Variants in POLR2H observed in about 807,000 individuals in gnomAD.
The protein encoded by POLR2H is RNA polymerase II, I and III subunit H, also known as DNA-directed RNA polymerases I, II, and III subunit RPABC3.
Under a neutral mutation model 18.1 loss-of-function variants are expected in POLR2H, and 3 were observed. The observed-to-expected ratio is 0.17, with a 90% confidence interval of 0.08 to 0.43. The LOEUF is 0.43. POLR2H is among the 20% of genes least tolerant of loss of function. The pLI is 0.99. For synonymous variants in POLR2H, 76 were observed against 69.0 expected (o/e 1.10, Z -0.50); for missense variants, 103 against 184.6 (o/e 0.56, Z 2.56).
intron 4 of POLR2H, 160 bp from the exon 5 acceptor site, chr3:184,366,557 C>G (rs1205529110): frequency 2.0e-6 from 1 of 492,986 alleles, no homozygotes; most frequent in Non-Finnish European, 3.7e-6. Context: ...CCAGGATGGT[C>G]TCGATCTCCT....
intron 2 of POLR2H, 40 bp downstream of exon 2, chr3:184,363,605 A>T (rs1712700385): frequency 6.5e-7 from 1 of 1,537,546 alleles, no homozygotes; most frequent in African/African-American, 1.4e-5. Flanking sequence ...GGAAGAGGCT[A>T]ACCTCGCGGA....
rs907232445 is a variant in POLR2H at position 184,365,511 on chromosome 3, GAAA to G, written c.251+295_251+297del. 2.4e-4 allele frequency: 63 copies of G among 261,486 alleles called. 1 individual carries two copies. The East Asian group carries it at 4.6e-3, about 19-fold the overall frequency. 16.2% of individuals were successfully genotyped at this position (261,486 alleles called of 1,614,324 possible). ...CCTCACTGCTACAAAAAAGAAGAGA[GAAA>G]AAAAAAAAAGGCTGGGCATGGTGTC... is the stretch of plus-strand genomic sequence containing the variant. On this transcript the variant is annotated intron_variant, in intron 4 of 5. Transcript: ENST00000456318.
intron 2 of POLR2H, chr3:184,364,744 G>A: frequency 1.8e-6 from 1 of 567,564 alleles, no homozygotes; most frequent in Non-Finnish European, 3.1e-6. Flanking sequence ...TGCTGCTGGA[G>A]TATCTTTGGT....
At chr3:184,367,800 T>C (rs578008073) in intron 5 of POLR2H, among the ~76,000 whole-genome samples, 7 of 152,334 alleles carry the variant, frequency 4.6e-5, no homozygotes, top group Admixed American at 4.6e-4. Flanking sequence ...GGTGTAAAGC[T>C]TTTCTTAAAC....
At chr3:184,363,828 C>G (rs1321322156) in intron 2 of POLR2H, among the ~76,000 whole-genome samples, 2 of 152,220 alleles carry the variant, frequency 1.3e-5, no homozygotes, top group Non-Finnish European at 2.9e-5. Flanking sequence ...GCTACCTGCT[C>G]TGTGCTAGAC....
chr3:184,365,412 G>A (rs1560276092), intron 4 of POLR2H, 186 bp downstream of exon 4: 2 of 605,390 alleles, frequency 3.3e-6, no homozygotes, highest in Non-Finnish European at 5.9e-6. Context: ...TGTAACCCAA[G>A]CACTTTGGGA....
chr3:184,367,367 C>T (rs1299931485), intron 5 of POLR2H, among the ~76,000 whole-genome samples: 3 of 151,996 alleles, frequency 2.0e-5, no homozygotes, highest in African/African-American at 7.2e-5. Flanking sequence ...TTTTGCATAT[C>T]CTGGTGTTCT....
chr3:184,365,932 C>T (rs1186981635), intron 4 of POLR2H, among the ~76,000 whole-genome samples: 10 of 148,304 alleles, frequency 6.7e-5, no homozygotes, highest in Admixed American at 2.0e-4. Context: ...GCCGAGATCC[C>T]GCCACTGCAC....
intron 4 of POLR2H, 162 bp from the exon 5 acceptor site, chr3:184,366,555 G>C: frequency 2.0e-6 from 1 of 489,436 alleles, no homozygotes; most frequent in Non-Finnish European, 3.8e-6. Context: ...AGCCAGGATG[G>C]TCTCGATCTC....
At chr3:184,364,585 C>T (rs2108597405) in intron 2 of POLR2H, 1 of 196,802 alleles carries the variant, frequency 5.1e-6, no homozygotes, top group Non-Finnish European at 1.0e-5. Flanking sequence ...CTTTCTTTGC[C>T]TGGAGACTAA....
rs1712225719 is a variant in POLR2H at position 184,362,094 on chromosome 3, G to C, written c.-673G>C. The C allele has an allele frequency of 6.6e-6, 1 of 152,308 alleles. No homozygotes were observed. Among genetic ancestry groups the C allele is most frequent in the Non-Finnish European group, 1.5e-5 (1 of 68,100 alleles). 9.4% of individuals were successfully genotyped at this position (152,308 alleles called of 1,614,324 possible). On this transcript the variant is annotated 5_prime_UTR_variant, in exon 1 of 6. Transcript: ENST00000456318. The surrounding 1 kb of genome is among the most constrained non-coding windows in gnomAD (Gnocchi z 5.9). ...GTGAAAAGCAAAGCTGGAAGGATTC[G>C]GAGAGGGTTGGGGCCGTCTTCCTCA... is the stretch of plus-strand genomic sequence containing the variant.
Position 184,363,218 on chromosome 3 carries a change from C to T in POLR2H, c.-275C>T. 1.9e-6 allele frequency: 1 copy of T among 518,866 alleles called. No homozygotes were observed. Among genetic ancestry groups the T allele is most frequent in the Non-Finnish European group, 3.5e-6 (1 of 284,422 alleles). 32.1% of individuals were successfully genotyped at this position (518,866 alleles called of 1,614,324 possible). On this transcript the variant is annotated 5_prime_UTR_variant, in exon 2 of 6. Transcript: ENST00000456318. Reference sequence around the variant, plus strand: ...CTCTACAGCCTATTGCTTCCCCGCCCTGGGCAGAGCCACCTGGACATGAGA... The same window carrying T: ...CTCTACAGCCTATTGCTTCCCCGCCTTGGGCAGAGCCACCTGGACATGAGA...
rs1428670672 is a variant in POLR2H, at chr3:184,363,462, C to T, written c.-31C>T. 1 of 1,593,448 alleles carries T rather than the reference C, an allele frequency of 6.3e-7. No individual in the cohort carries two copies. Among genetic ancestry groups the T allele is most frequent in the East Asian group, 2.2e-5 (1 of 44,790 alleles). On this transcript the variant is annotated 5_prime_UTR_variant, in exon 2 of 6. Transcript: ENST00000456318. ...ACTCCCAACTGTGGTCGCGCTCTCA[C>T]CCCTTCTGCTGCTCTCGTGGCCCCC...
rs1713141739 is a variant in POLR2H, at chr3:184,365,779, C to G, written c.251+553C>G. On this transcript the variant is annotated intron_variant, in intron 4 of 5. Transcript: ENST00000456318. ...ACGAGGTCAGGAGATCGAGACCATC[C>G]TGGCTAAAACGGTGAAACCCCGTCT... Among the ~76,000 whole-genome samples, 3 of 151,768 alleles carry G rather than the reference C, an allele frequency of 2.0e-5. No individual in the cohort carries two copies. The South Asian group carries it at 6.2e-4, about 32-fold the overall frequency.
At chr3:184,366,633 CG>C in intron 4 of POLR2H, 83 bp from the exon 5 acceptor site, 1 of 830,500 alleles carries the variant, frequency 1.2e-6, no homozygotes, top group Non-Finnish European at 2.0e-6. Flanking sequence ...CCACCACGCC[CG>C]GCTGACCAGT....
rs1712475996 is a variant in POLR2H, at chr3:184,362,945, G to GTT, written c.-548_-547insTT. The GTT allele has an allele frequency of 6.0e-6, 1 of 166,176 alleles. No individual in the cohort carries two copies. Among genetic ancestry groups the GTT allele is most frequent in the African/African-American group, 2.4e-5 (1 of 41,478 alleles). 10.3% of individuals were successfully genotyped at this position (166,176 alleles called of 1,614,324 possible). A position where few individuals can be genotyped will look rare whatever the true frequency, so the allele number is the denominator to read the frequency against. On this transcript the variant is annotated 5_prime_UTR_variant, in exon 2 of 6. It removes the in-frame stop codon of an upstream open reading frame in the 5' UTR. Coordinates refer to ENST00000456318, the MANE Select transcript of POLR2H (RefSeq NM_006232.5). The surrounding 1 kb of genome is among the most constrained non-coding windows in gnomAD (Gnocchi z 5.9). ...GTCCAGCAGGGCCGAGCCGGCCCAG[G>GTT]CCGGCCCCGGGGTCCTCGGTGCCGG...
chr3:184,363,440 C>T lies in POLR2H; in HGVS notation c.-53C>T. 1 of 1,468,252 alleles carries T rather than the reference C, an allele frequency of 6.8e-7. No individual in the cohort carries two copies. Among genetic ancestry groups the T allele is most frequent in the Non-Finnish European group, 9.5e-7 (1 of 1,048,920 alleles). 91.0% of individuals were successfully genotyped at this position (1,468,252 alleles called of 1,614,324 possible). ...GTCCACGCTAGGGGGTGCACGTACT[C>T]CCAACTGTGGTCGCGCTCTCACCCC... On this transcript the variant is annotated 5_prime_UTR_variant, in exon 2 of 6. Coordinates refer to ENST00000456318, the MANE Select transcript of POLR2H (RefSeq NM_006232.5).
rs1460386746 is a variant in POLR2H, at chr3:184,362,577, A to AT, written c.-620-295dup. On this transcript the variant is annotated intron_variant, in intron 1 of 5. Coordinates refer to ENST00000456318, the MANE Select transcript of POLR2H (RefSeq NM_006232.5). This position sits in a 1 kb window ranked among gnomAD's most constrained non-coding sequence, Gnocchi z 5.9. ...GTGCCCGGGAAGGGGGGGCCTTGTGATAGAAGCCAGCACTCAGGAGGAAGG... is the reference window on the plus strand; with the variant it reads ...GTGCCCGGGAAGGGGGGGCCTTGTGATTAGAAGCCAGCACTCAGGAGGAAGG... The AT allele has an allele frequency of 6.5e-6, 1 of 153,136 alleles. No homozygotes were observed. Among genetic ancestry groups the AT allele is most frequent in the East Asian group, 1.9e-4 (1 of 5,202 alleles). The allele number at this position is 153,136 out of a possible 1,614,324, so 9.5% of individuals were successfully genotyped here.
In POLR2H at chr3:184,368,042, T is replaced by C. The variant is rs1713635231; in HGVS notation, c.336-135T>C. On this transcript the variant is annotated intron_variant, in intron 5 of 5. Coordinates refer to ENST00000456318, the MANE Select transcript of POLR2H (RefSeq NM_006232.5). ...TGGAACAGTGCCTTGCACATACCTG[T>C]GCATTGATCTTTGTCAGAATTTTGG... 7.2e-6 allele frequency: 9 copies of C among 1,244,020 alleles called. No individual in the cohort carries two copies. In the South Asian group the frequency reaches 1.0e-4, roughly 14 times the overall value. 77.1% of individuals were successfully genotyped at this position (1,244,020 alleles called of 1,614,324 possible).
Sources: allele counts gnomAD v4.1 joint callset (sites outside exome capture counted in the v4.1 genomes callset), GRCh38; gene constraint gnomAD v4.1.1; non-coding constraint Gnocchi (gnomAD v3.1); transcripts MANE v1.5; gene names NCBI Gene and HGNC (gene_info 2026-07-23, HGNC 2026-07-21).